Variants in ARHGAP17 observed in about 807,000 individuals in gnomAD.
ARHGAP17 encodes the protein Rho GTPase activating protein 17.
A neutral mutation model predicts 99.5 loss-of-function variants in ARHGAP17; 57 were observed. The observed-to-expected ratio is 0.57, with a 90% CI of 0.46 to 0.71. The LOEUF is 0.71. Ranked by LOEUF, ARHGAP17 falls within the 30% of genes least tolerant of loss-of-function variation. ARHGAP17 has a pLI of 0.00. For synonymous variants in ARHGAP17, 417 were observed against 429.6 expected (o/e 0.97, Z 0.36); for missense variants, 1,000 against 1,122.4 (o/e 0.89, Z 1.56).
rs958491712 is a variant in ARHGAP17, at chr16:24,919,884, A to AT, written c.*245dup. 2.7e-5 allele frequency: 11 copies of AT among 410,608 alleles called. No individual in the cohort carries two copies. The highest frequency in any genetic ancestry group is 1.3e-4 in the Admixed American group (3 of 23,762). 25.4% of individuals were successfully genotyped at this position (410,608 alleles called of 1,614,324 possible). The stretch of plus-strand genomic sequence containing the variant: ...CACTCCAGGTACTTCTTTGTTTTGG[A>AT]TTTTTTTGGCATGATTTCCTTCCCA... On this transcript the variant is annotated 3_prime_UTR_variant, in exon 20 of 20. Coordinates refer to ENST00000289968, the MANE Select transcript of ARHGAP17 (RefSeq NM_001006634.3).
intron 1 of ARHGAP17, among the ~76,000 whole-genome samples, chr16:24,984,745 A>G (rs1401634933): frequency 1.3e-5 from 2 of 152,208 alleles, no homozygotes; most frequent in African/African-American, 4.8e-5. Flanking sequence ...AATGTCAAAC[A>G]AAATCCAATA....
chr16:24,999,499 T>C (rs1415746522), intron 1 of ARHGAP17, among the ~76,000 whole-genome samples: 1 of 152,084 alleles, frequency 6.6e-6, no homozygotes, highest in East Asian at 1.9e-4. Context: ...TCACTGCAGC[T>C]CCGGCTCCTG....
At chr16:25,010,872 G>A (rs1341674597) in intron 1 of ARHGAP17, among the ~76,000 whole-genome samples, 5 of 152,168 alleles carry the variant, frequency 3.3e-5, no homozygotes, top group Admixed American at 1.3e-4. Context: ...CTAGGCATTT[G>A]GGTTTACAAC....
chr16:25,002,927 T>C (rs759316223), intron 1 of ARHGAP17, among the ~76,000 whole-genome samples: 31 of 150,300 alleles, frequency 2.1e-4, no homozygotes, highest in Non-Finnish European at 3.1e-4. Context: ...TAATCCCAGC[T>C]ACTCGGGAGG....
chr16:24,970,677 C>A (rs1261438681), intron 3 of ARHGAP17, 97 bp from the exon 4 acceptor site: 1 of 1,113,326 alleles, frequency 9.0e-7, no homozygotes, highest in Non-Finnish European at 1.4e-6. Context: ...TCCCTCCAGG[C>A]AAATTACACA....
At chr16:24,973,560 A>C (rs545750627) in intron 3 of ARHGAP17, among the ~76,000 whole-genome samples, 1 of 152,230 alleles carries the variant, frequency 6.6e-6, no homozygotes, top group African/African-American at 2.4e-5. Flanking sequence ...ACTTTGCCCC[A>C]GCTGCCTGGA....
intron 12 of ARHGAP17, among the ~76,000 whole-genome samples, chr16:24,950,836 C>CAAACAA (rs1386246671): frequency 7.6e-5 from 3 of 39,430 alleles, no homozygotes; most frequent in African/African-American, 3.1e-4. Context: ...GACTCCAACT[C>CAAACAA]AAAAAAAAAA....
intron 1 of ARHGAP17, among the ~76,000 whole-genome samples, chr16:24,980,373 C>G (rs867870581): frequency 3.9e-5 from 6 of 152,184 alleles, no homozygotes; most frequent in Non-Finnish European, 5.9e-5. Flanking sequence ...TACAGGGTGG[C>G]TCACTCACCA....
chr16:24,968,832 CG>C, intron 4 of ARHGAP17, 60 bp from the exon 5 acceptor site: 1 of 1,525,192 alleles, frequency 6.6e-7, no homozygotes, highest in East Asian at 2.3e-5. Context: ...ACTGGATTAT[CG>C]TGTGGATCAG....
intron 1 of ARHGAP17, among the ~76,000 whole-genome samples, chr16:24,997,953 A>C (rs1011616439): frequency 6.6e-6 from 1 of 152,192 alleles, no homozygotes; most frequent in African/African-American, 2.4e-5. Context: ...TGTGAGGACC[A>C]GCAGCAAACA....
intron 1 of ARHGAP17, among the ~76,000 whole-genome samples, chr16:25,005,579 A>G (rs1408379514): frequency 1.3e-5 from 2 of 152,222 alleles, no homozygotes; most frequent in Non-Finnish European, 2.9e-5. Flanking sequence ...CCAGGGATCA[A>G]TTATATTTTT....
chr16:24,949,565 T>G, intron 12 of ARHGAP17, 81 bp from the exon 13 acceptor site: 1 of 1,220,306 alleles, frequency 8.2e-7, no homozygotes, highest in East Asian at 2.4e-5. Context: ...AAATGAGGCC[T>G]CCATTTTGAC....
chr16:24,978,721 T>C (rs1027598203), intron 2 of ARHGAP17, among the ~76,000 whole-genome samples: 4 of 152,012 alleles, frequency 2.6e-5, no homozygotes, highest in African/African-American at 9.7e-5. Context: ...GTTCAGTAAA[T>C]CCCTGAGGCC....
At chr16:24,982,457 A>G (rs905210547) in intron 1 of ARHGAP17, among the ~76,000 whole-genome samples, 1 of 152,236 alleles carries the variant, frequency 6.6e-6, no homozygotes, top group Non-Finnish European at 1.5e-5. Flanking sequence ...CTAGAGATTA[A>G]AAGTGATCTA....
At chr16:24,986,978 C>T (rs2052889722) in intron 1 of ARHGAP17, among the ~76,000 whole-genome samples, 1 of 152,234 alleles carries the variant, frequency 6.6e-6, no homozygotes, top group Admixed American at 6.5e-5. Flanking sequence ...ACCTACGCAC[C>T]TCCATCCACT....
At chr16:24,927,761 A>T in intron 19 of ARHGAP17, 1 of 1,026,574 alleles carries the variant, frequency 9.7e-7, no homozygotes, top group South Asian at 1.5e-5. Flanking sequence ...TGTTTAAATT[A>T]GAATACTCTT....
chr16:25,006,364 C>T (rs2053505860), intron 1 of ARHGAP17, among the ~76,000 whole-genome samples: 1 of 150,116 alleles, frequency 6.7e-6, no homozygotes, highest in Admixed American at 6.7e-5. Flanking sequence ...ACAGGAGAAT[C>T]GCTTGAACCC....
intron 18 of ARHGAP17, among the ~76,000 whole-genome samples, chr16:24,934,522 T>C (rs1046262621): frequency 4.6e-5 from 7 of 151,878 alleles, no homozygotes; most frequent in Admixed American, 6.6e-5. Flanking sequence ...GGTGCAATCA[T>C]AGCTCACTGC....
chr16:24,979,116 T>C, intron 1 of ARHGAP17, 111 bp from the exon 2 acceptor site: 2 of 785,902 alleles, frequency 2.5e-6, no homozygotes, highest in Non-Finnish European at 4.0e-6. Flanking sequence ...GAAATAAATT[T>C]AGAAGGGTTG....
Sources: gnomAD v4.1 joint callset for allele counts (sites outside exome capture counted in the v4.1 genomes callset) on GRCh38, gnomAD v4.1.1 for gene constraint, MANE v1.5 for transcripts, NCBI Gene and HGNC (gene_info 2026-07-23, HGNC 2026-07-21) for gene names.